Variants in ASTN2 observed in about 807,000 individuals in gnomAD.
The protein encoded by ASTN2 is astrotactin 2.
ASTN2 carries 54 observed loss-of-function variants against 139.8 expected under a neutral mutation model. The ratio of observed to expected loss-of-function variants is 0.39; its 90% confidence interval spans 0.31 to 0.48. The LOEUF is 0.48. Among genes scored for constraint, ASTN2 ranks in the 20% least tolerant of loss-of-function variants. ASTN2 has a pLI of 0.95. For missense variants in ASTN2, 1,565 were observed against 1,725.1 expected, an observed-to-expected ratio of 0.91 and a Z score of 1.64; for synonymous variants, 756 against 719.5, an observed-to-expected ratio of 1.05 and a Z score of -0.81.
intron 7 of ASTN2, among the ~76,000 whole-genome samples, chr9:116,989,722 T>A (rs1836793062): frequency 6.6e-6 from 1 of 152,024 alleles, no homozygotes; most frequent in African/African-American, 2.4e-5. Flanking sequence ...TAGCTGGGAT[T>A]ACAGGCACCC....
At chr9:116,799,345 A>T (rs1830780905) in intron 13 of ASTN2, among the ~76,000 whole-genome samples, 1 of 152,182 alleles carries the variant, frequency 6.6e-6, no homozygotes. Context: ...CCCACATCTT[A>T]CCCCAAACTG....
chr9:117,204,646 T>C (rs1444844854), intron 3 of ASTN2, among the ~76,000 whole-genome samples: 1 of 152,128 alleles, frequency 6.6e-6, no homozygotes, highest in African/African-American at 2.4e-5. Flanking sequence ...GGAAGATAAC[T>C]GATGTAGAAA....
intron 4 of ASTN2, among the ~76,000 whole-genome samples, chr9:117,120,014 G>GTATATATA (rs1470198393): frequency 1.3e-3 from 46 of 35,316 alleles, no homozygotes; most frequent in East Asian, 4.3e-3. Context: ...GTGTGTGTGT[G>GTATATATA]TGTGTATATA....
chr9:116,805,491 C>G lies in ASTN2; in HGVS notation c.2396+141G>C, dbSNP rs1831006249. 1.1e-5 allele frequency: 8 copies of G among 748,314 alleles called. No individual in the cohort carries two copies. In the South Asian group the frequency reaches 1.5e-4, roughly 14 times the overall value. 46.4% of individuals were successfully genotyped at this position (748,314 alleles called of 1,614,324 possible). On this transcript the variant is annotated intron_variant, in intron 13 of 22. Coordinates refer to ENST00000313400, the MANE Select transcript of ASTN2 (RefSeq NM_001365068.1). The stretch of plus-strand genomic sequence containing the variant: ...ATAAAGTTTGATGACTTTCCACACT[C>G]CTTAAGAGGGTACCTGTGAGCTTAA...
chr9:116,586,480 T>A (rs1854146420), intron 19 of ASTN2, among the ~76,000 whole-genome samples: 1 of 152,174 alleles, frequency 6.6e-6, no homozygotes, highest in Non-Finnish European at 1.5e-5. Flanking sequence ...AATGAACTCA[T>A]GTTCTTTGCA....
intron 10 of ASTN2, among the ~76,000 whole-genome samples, chr9:116,871,796 GA>G (rs1771232934): frequency 6.6e-6 from 1 of 152,152 alleles, no homozygotes; most frequent in African/African-American, 2.4e-5. Flanking sequence ...TTTTTATGTA[GA>G]TACATGTTTT....
At chr9:116,706,760 ATTTTTTTT>A (rs60395133) in intron 16 of ASTN2, among the ~76,000 whole-genome samples, 34 of 88,046 alleles carry the variant, frequency 3.9e-4, no homozygotes, top group South Asian at 1.9e-3. Context: ...GCTGGCTAGA[ATTTTTTTT>A]TTTTTTTTTT....
intron 7 of ASTN2, among the ~76,000 whole-genome samples, chr9:117,000,953 C>T (rs986780529): frequency 6.6e-6 from 1 of 152,114 alleles, no homozygotes; most frequent in Non-Finnish European, 1.5e-5. Flanking sequence ...TGAGCTGGCT[C>T]CAGCACATCA....
chr9:116,685,643 A>G (rs537699914), intron 16 of ASTN2, among the ~76,000 whole-genome samples: 124 of 152,338 alleles, frequency 8.1e-4, no homozygotes, highest in Non-Finnish European at 1.6e-3. Context: ...ATGTCAAGCT[A>G]TAAGATAAAA....
At chr9:117,256,643 G>A (rs1009749037) in intron 2 of ASTN2, among the ~76,000 whole-genome samples, 61 of 152,030 alleles carry the variant, frequency 4.0e-4, no homozygotes, top group Admixed American at 2.7e-3. Context: ...TCTAGACTAC[G>A]TTATAGTAGC....
intron 4 of ASTN2, among the ~76,000 whole-genome samples, chr9:117,120,615 G>A (rs919525740): frequency 2.0e-5 from 3 of 152,126 alleles, no homozygotes; most frequent in Non-Finnish European, 4.4e-5. Flanking sequence ...CACAGTGGGA[G>A]GATCCTCTCC....
rs141094161 is a variant in ASTN2, at chr9:117,368,678, T to C, written c.442+45819A>G. 2.2e-4 allele frequency among the ~76,000 whole-genome samples: 33 copies of C among 152,296 alleles called. No homozygotes were observed. The East Asian group carries it at 6.4e-3, about 29-fold the overall frequency. Reference sequence around the variant, plus strand: ...ATACTATTCGTCAGAACTCCCTTAGTTTCCAGGGGACCAGAATAACAATTG... The same window carrying C: ...ATACTATTCGTCAGAACTCCCTTAGCTTCCAGGGGACCAGAATAACAATTG... On this transcript the variant is annotated intron_variant, in intron 1 of 22. Transcript: ENST00000313400.
chr9:116,546,584 G>GA (rs1411645550), intron 19 of ASTN2: 2 of 152,294 alleles, frequency 1.3e-5, no homozygotes, highest in Non-Finnish European at 1.5e-5. Context: ...GAGAACTGCA[G>GA]AAGAAAGGGA....
chr9:116,783,586 A>C (rs1830280364), intron 13 of ASTN2, among the ~76,000 whole-genome samples: 1 of 152,140 alleles, frequency 6.6e-6, no homozygotes, highest in South Asian at 2.1e-4. Context: ...TAATATGTTC[A>C]CCTAGACAAT....
chr9:116,717,590 T>C (rs1304220284), intron 16 of ASTN2, among the ~76,000 whole-genome samples: 2 of 152,150 alleles, frequency 1.3e-5, no homozygotes, highest in Non-Finnish European at 2.9e-5. Flanking sequence ...CTCACCACCA[T>C]GCTGGGACCC....
In ASTN2 at chr9:117,060,483, A is replaced by AT. The variant is rs1491587292; in HGVS notation, c.1277-20519_1277-20518insA. ...AAGGAAGGAAGGAAGGAAGGAAGGA[A>AT]GGAATGAAAGAAAGAAAGAAAGAAA... On this transcript the variant is annotated intron_variant, in intron 5 of 22. Transcript: ENST00000313400. Among the ~76,000 whole-genome samples, 4 of 98,282 alleles carry AT rather than the reference A, an allele frequency of 4.1e-5. 1 individual carries two copies. Among genetic ancestry groups the AT allele is most frequent in the Admixed American group, 1.9e-4 (2 of 10,286 alleles). The allele number at this position is 98,282 out of a possible 152,430, so 64.5% of individuals were successfully genotyped here.
intron 2 of ASTN2, among the ~76,000 whole-genome samples, chr9:117,274,357 A>T (rs1427535957): frequency 6.6e-6 from 1 of 152,128 alleles, no homozygotes; most frequent in Non-Finnish European, 1.5e-5. Context: ...CTCAAAAAAA[A>T]ATAGTCTGGG....
intron 2 of ASTN2, among the ~76,000 whole-genome samples, chr9:117,218,644 A>G (rs1471515993): frequency 1.3e-5 from 2 of 152,188 alleles, no homozygotes; most frequent in Non-Finnish European, 2.9e-5. Context: ...AGCATGTGGG[A>G]AAAAGCTTCT....
intron 10 of ASTN2, among the ~76,000 whole-genome samples, chr9:116,948,137 C>T (rs1050798411): frequency 3.9e-5 from 6 of 152,172 alleles, no homozygotes; most frequent in African/African-American, 1.4e-4. Flanking sequence ...TTGATTTGCC[C>T]ATGAGGGTGA....
Sources: allele counts gnomAD v4.1 joint callset (sites outside exome capture counted in the v4.1 genomes callset), GRCh38; gene constraint gnomAD v4.1.1; transcripts MANE v1.5; gene names NCBI Gene and HGNC (gene_info 2026-07-23, HGNC 2026-07-21).